The following SGCZ variants were observed in gnomAD, a reference collection of about 807,000 sequenced individuals.
SGCZ encodes the protein zeta-sarcoglycan.
In SGCZ, 40 loss-of-function variants were observed where a neutral mutation model predicts 41.3. That is an observed-to-expected ratio of 0.97 (90% CI 0.75 to 1.26). SGCZ has a LOEUF of 1.26. Among genes scored for constraint, SGCZ ranks in the 50% most tolerant of loss-of-function variants. The pLI is 0.00. For missense variants in SGCZ, 552 were observed against 369.8 expected (o/e 1.49, Z -4.04); for synonymous variants, 206 against 137.5 (o/e 1.50, Z -3.49).
intron 1 of SGCZ, among the ~76,000 whole-genome samples, chr8:14,557,621 C>A (rs1419048143): frequency 6.6e-6 from 1 of 152,008 alleles, no homozygotes; most frequent in Non-Finnish European, 1.5e-5. Context: ...AGATGAGGAT[C>A]CAGTTTCATT....
intron 4 of SGCZ, among the ~76,000 whole-genome samples, chr8:14,196,272 T>C (rs1585221188): frequency 6.6e-6 from 1 of 152,038 alleles, no homozygotes; most frequent in South Asian, 2.1e-4. Flanking sequence ...TAATTTTTTT[T>C]TTTTTTTAAA....
intron 2 of SGCZ, among the ~76,000 whole-genome samples, chr8:14,344,058 A>C (rs1266055273): frequency 6.6e-6 from 1 of 152,188 alleles, no homozygotes; most frequent in Non-Finnish European, 1.5e-5. Context: ...AGAAATGAAC[A>C]ATTCAATATT....
intron 4 of SGCZ, among the ~76,000 whole-genome samples, chr8:14,189,795 A>T (rs1805031879): frequency 6.6e-6 from 1 of 152,096 alleles, no homozygotes; most frequent in South Asian, 2.1e-4. Flanking sequence ...ATTTTTGAAT[A>T]CCTCACTAAA....
rs1289080846 is a variant in SGCZ at position 15,128,214 on chromosome 8, G to C, written c.39+109371C>G. Among the ~76,000 whole-genome samples, 13 of 152,092 alleles carry C rather than the reference G, an allele frequency of 8.5e-5. No individual in the cohort carries two copies. In the South Asian group the frequency reaches 1.2e-3, roughly 15 times the overall value. On this transcript the variant is annotated intron_variant, in intron 1 of 7. Coordinates refer to ENST00000382080, the MANE Select transcript of SGCZ (RefSeq NM_139167.4). Reference sequence around the variant, plus strand: ...CTGGTGGGAAGAAGAGTTATTTTCAGTGCTCTCCCACATATCTCCAATGTG... The same window carrying C: ...CTGGTGGGAAGAAGAGTTATTTTCACTGCTCTCCCACATATCTCCAATGTG...
intron 1 of SGCZ, among the ~76,000 whole-genome samples, chr8:14,679,796 C>T (rs111926504): frequency 0.016 from 2,498 of 152,072 alleles, 40 homozygotes; most frequent in South Asian, 0.084. Context: ...CCCAGAATAA[C>T]TTCTAGACCT....
chr8:14,889,737 GATAT>G (rs1804941940), intron 1 of SGCZ, among the ~76,000 whole-genome samples: 1 of 151,482 alleles, frequency 6.6e-6, no homozygotes, highest in Non-Finnish European at 1.5e-5. Flanking sequence ...ACAAAATATA[GATAT>G]TTTGTGTATT....
chr8:15,140,513 A>T (rs973743367), intron 1 of SGCZ, among the ~76,000 whole-genome samples: 1 of 152,198 alleles, frequency 6.6e-6, no homozygotes, highest in African/African-American at 2.4e-5. Flanking sequence ...CAGATTAAGT[A>T]CTTGGCCCAT....
At chr8:14,160,979 TATAA>T (rs1212060654) in intron 5 of SGCZ, among the ~76,000 whole-genome samples, 2 of 152,242 alleles carry the variant, frequency 1.3e-5, no homozygotes. Flanking sequence ...TTTTAATTCC[TATAA>T]ATATTGCTTA....
intron 1 of SGCZ, among the ~76,000 whole-genome samples, chr8:14,686,234 G>T (rs965383416): frequency 6.6e-6 from 1 of 152,002 alleles, no homozygotes; most frequent in African/African-American, 2.4e-5. Flanking sequence ...GCTTCACCCT[G>T]ATCAGGTTAT....
At chr8:15,043,382 A>G (rs1804181410) in intron 1 of SGCZ, among the ~76,000 whole-genome samples, 3 of 152,162 alleles carry the variant, frequency 2.0e-5, no homozygotes, top group Admixed American at 2.0e-4. Context: ...TATGTCCATA[A>G]TGGTATAAAT....
intron 2 of SGCZ, among the ~76,000 whole-genome samples, chr8:14,505,083 C>T (rs1390978023): frequency 2.6e-5 from 4 of 151,998 alleles, no homozygotes; most frequent in African/African-American, 7.3e-5. Context: ...CATGGGTTCA[C>T]GACTGTAGTG....
intron 1 of SGCZ, among the ~76,000 whole-genome samples, chr8:14,679,505 A>G (rs929629880): frequency 2.1e-5 from 2 of 97,164 alleles, no homozygotes; most frequent in African/African-American, 6.0e-5. Context: ...ATACATATAT[A>G]TTATATATAT....
chr8:14,906,359 T>C (rs1799120747), intron 1 of SGCZ, among the ~76,000 whole-genome samples: 2 of 152,232 alleles, frequency 1.3e-5, no homozygotes, highest in South Asian at 2.1e-4. Context: ...TTTAAACCAA[T>C]ACCTGCAAAG....
In SGCZ at chr8:14,620,962, T is replaced by A. The variant is rs541077191; in HGVS notation, c.40-66036A>T. Among the ~76,000 whole-genome samples, 741 of 152,216 alleles carry A rather than the reference T, an allele frequency of 4.9e-3. 3 individuals are homozygous for A. The highest frequency in any genetic ancestry group is 8.8e-3 in the Non-Finnish European group (597 of 68,000). The stretch of plus-strand genomic sequence containing the variant: ...GGGTATATACCCAAAGGATTATAAA[T>A]CATGCTGCTGTAAAGACACATGCAT... On this transcript the variant is annotated intron_variant, in intron 1 of 7. Coordinates refer to ENST00000382080, the MANE Select transcript of SGCZ (RefSeq NM_139167.4).
chr8:14,704,560 A>C (rs1046664607), intron 1 of SGCZ, among the ~76,000 whole-genome samples: 2 of 151,994 alleles, frequency 1.3e-5, no homozygotes, highest in Non-Finnish European at 2.9e-5. Flanking sequence ...GTCAGATAGA[A>C]ATGAAATTAA....
intron 1 of SGCZ, among the ~76,000 whole-genome samples, chr8:14,596,037 A>T (rs1401605177): frequency 1.3e-5 from 2 of 152,252 alleles, no homozygotes; most frequent in African/African-American, 4.8e-5. Context: ...ACGGTTAAAT[A>T]ATGAGAGGAA....
chr8:15,052,220 C>A (rs1007410987), intron 1 of SGCZ, among the ~76,000 whole-genome samples: 1 of 152,128 alleles, frequency 6.6e-6, no homozygotes, highest in African/African-American at 2.4e-5. Context: ...GTTACCCTAA[C>A]CTTAGGTATG....
intron 1 of SGCZ, among the ~76,000 whole-genome samples, chr8:14,898,153 T>C (rs1340745637): frequency 6.6e-6 from 1 of 151,612 alleles, no homozygotes; most frequent in Non-Finnish European, 1.5e-5. Flanking sequence ...TCTCATTACA[T>C]TGCCCAGGCT....
At chr8:14,095,134 A>G (rs984618783) in intron 7 of SGCZ, among the ~76,000 whole-genome samples, 157 of 152,086 alleles carry the variant, frequency 1.0e-3, no homozygotes, top group African/African-American at 3.7e-3. Context: ...GTTTAATTAG[A>G]TCCTATTTGT....
Sources: gnomAD v4.1 joint callset for allele counts (sites outside exome capture counted in the v4.1 genomes callset) on GRCh38, gnomAD v4.1.1 for gene constraint, MANE v1.5 for transcripts, NCBI Gene and HGNC (gene_info 2026-07-23, HGNC 2026-07-21) for gene names.